Variants in OSBPL9 observed in about 807,000 individuals in gnomAD.
The protein encoded by OSBPL9 is oxysterol-binding protein-related protein 9.
OSBPL9 carries 40 observed loss-of-function variants against 106.6 expected under a neutral mutation model. The ratio of observed to expected loss-of-function variants is 0.38; its 90% CI spans 0.29 to 0.49. The LOEUF (loss-of-function observed/expected upper bound fraction) is 0.49, where lower values mean the gene tolerates loss of function less well. Ranked by LOEUF, OSBPL9 falls within the 20% of genes least tolerant of loss-of-function variation. OSBPL9 has a pLI of 0.97. For synonymous variants in OSBPL9, 269 were observed against 295.4 expected, an observed-to-expected ratio of 0.91 and a Z score of 0.92; for missense variants, 609 against 887.2, an observed-to-expected ratio of 0.69 and a Z score of 3.98.
intron 4 of OSBPL9, among the ~76,000 whole-genome samples, chr1:51,735,842 T>C (rs1229967187): frequency 6.6e-6 from 1 of 152,252 alleles, no homozygotes; most frequent in Non-Finnish European, 1.5e-5. Flanking sequence ...TTTCTTGTTT[T>C]ACTACCATTT....
chr1:51,784,545 TA>T lies in OSBPL9; in HGVS notation c.1793del (p.Tyr598LeufsTer31), dbSNP rs1167851904. On this transcript the variant is annotated frameshift_variant, in exon 20 of 24. Transcript: ENST00000428468. LOFTEE classifies it high-confidence loss of function. Reference sequence around the variant, plus strand: ...TATCATCTTCCACACTAAACCCTTCTATGGGGGCAAGAAGCACAGAATTACT... The same window carrying T: ...TATCATCTTCCACACTAAACCCTTCTTGGGGGCAAGAAGCACAGAATTACT... ...ANIIFHTKPF[Y>X]GGKKHRITAE... 6.2e-7 allele frequency: 1 copy of T among 1,614,132 alleles called. No individual in the cohort carries two copies. Among genetic ancestry groups the T allele is most frequent in the Non-Finnish European group, 8.5e-7 (1 of 1,179,952 alleles).
At chr1:51,672,590 A>G (rs1403340943) in intron 3 of OSBPL9, among the ~76,000 whole-genome samples, 2 of 152,068 alleles carry the variant, frequency 1.3e-5, no homozygotes, top group Non-Finnish European at 2.9e-5. Context: ...GAATCATACC[A>G]TATGTACTCT....
chr1:51,634,263 T>C (rs936019257), intron 1 of OSBPL9, among the ~76,000 whole-genome samples: 1 of 152,242 alleles, frequency 6.6e-6, no homozygotes, highest in African/African-American at 2.4e-5. Flanking sequence ...TGAACTTGAA[T>C]GTTAATAATG....
chr1:51,600,874 T>C (rs566860920), intron 2 of OSBPL9, among the ~76,000 whole-genome samples: 1 of 152,284 alleles, frequency 6.6e-6, no homozygotes, highest in East Asian at 1.9e-4. Flanking sequence ...TTGATAAATA[T>C]CAGATTTAGT....
intron 4 of OSBPL9, among the ~76,000 whole-genome samples, chr1:51,741,446 CCCTT>C (rs1440599999): frequency 6.7e-6 from 1 of 148,178 alleles, no homozygotes; most frequent in Non-Finnish European, 1.5e-5. Flanking sequence ...CCCTCTCTCT[CCCTT>C]CCTTCTTTCC....
chr1:51,575,194 T>TTTTG (rs144911600), upstream of OSBPL9, among the ~76,000 whole-genome samples: 2,403 of 151,928 alleles, frequency 0.016, 64 homozygotes, highest in East Asian at 0.11. Flanking sequence ...AATATCTAGG[T>TTTTG]TTTGTTTGTT....
chr1:51,636,065 G>A (rs1645413512), intron 1 of OSBPL9, among the ~76,000 whole-genome samples: 1 of 139,954 alleles, frequency 7.1e-6, no homozygotes, highest in Non-Finnish European at 1.5e-5. Context: ...CACAATTTAT[G>A]TACTGTATGT....
At chr1:51,627,139 G>T (rs1419433609) in intron 1 of OSBPL9, among the ~76,000 whole-genome samples, 1 of 152,166 alleles carries the variant, frequency 6.6e-6, no homozygotes, top group East Asian at 1.9e-4. Flanking sequence ...GAGTAGCTGG[G>T]ACTACAGGCT....
chr1:51,740,506 C>T (rs1666670787), intron 4 of OSBPL9, among the ~76,000 whole-genome samples: 1 of 151,804 alleles, frequency 6.6e-6, no homozygotes, highest in Non-Finnish European at 1.5e-5. Flanking sequence ...ATTTACAGTT[C>T]TACTACTGAT....
At chr1:51,724,878 G>A (rs1934777) in intron 4 of OSBPL9, 490 of 236,150 alleles carry the variant, frequency 2.1e-3, no homozygotes, top group Non-Finnish European at 2.5e-3. Flanking sequence ...AAAGCACTGC[G>A]TCAACCTTAA....
intron 4 of OSBPL9, among the ~76,000 whole-genome samples, chr1:51,714,887 A>G (rs1342893867): frequency 6.6e-6 from 1 of 152,218 alleles, no homozygotes; most frequent in Non-Finnish European, 1.5e-5. Context: ...CTGATAGGGT[A>G]GAAGGTGTGT....
chr1:51,527,497 C>T, the OSBPL9 span, among the ~76,000 whole-genome samples: 3 of 152,006 alleles, frequency 2.0e-5, no homozygotes, highest in Non-Finnish European at 2.9e-5. Flanking sequence ...TGGGCTCAGG[C>T]AGTTACCCAC....
intron 1 of OSBPL9, among the ~76,000 whole-genome samples, chr1:51,624,393 G>T (rs191696492): frequency 4.0e-4 from 61 of 152,000 alleles, no homozygotes; most frequent in African/African-American, 1.4e-3. Flanking sequence ...TTCAAGACAA[G>T]CCTGACCAAC....
intron 2 of OSBPL9, among the ~76,000 whole-genome samples, chr1:51,654,088 A>G (rs916517595): frequency 3.3e-5 from 5 of 152,004 alleles, no homozygotes; most frequent in African/African-American, 4.8e-5. Flanking sequence ...TACTGATTGC[A>G]CGGTGGTGCA....
the OSBPL9 span, among the ~76,000 whole-genome samples, chr1:51,571,935 A>G: frequency 6.6e-6 from 1 of 152,180 alleles, no homozygotes; most frequent in African/African-American, 2.4e-5. Context: ...GTGGGATACA[A>G]TGTGAGGGAC....
intron 3 of OSBPL9, among the ~76,000 whole-genome samples, chr1:51,675,384 T>A (rs1387892163): frequency 1.3e-5 from 2 of 151,242 alleles, no homozygotes; most frequent in African/African-American, 4.9e-5. Context: ...TTTATTTATT[T>A]ATTTTTTGTG....
the OSBPL9 span, among the ~76,000 whole-genome samples, chr1:51,528,306 A>C: frequency 6.6e-6 from 1 of 152,244 alleles, no homozygotes; most frequent in Non-Finnish European, 1.5e-5. Context: ...TATTGGAATA[A>C]ATGAGTTCAG....
At chr1:51,732,301 T>C (rs1664631958) in intron 4 of OSBPL9, among the ~76,000 whole-genome samples, 1 of 152,196 alleles carries the variant, frequency 6.6e-6, no homozygotes, top group Non-Finnish European at 1.5e-5. Context: ...CTGGGGTATG[T>C]TGAGTTCTAT....
the OSBPL9 span, among the ~76,000 whole-genome samples, chr1:51,554,792 CA>C: frequency 6.6e-6 from 1 of 152,168 alleles, no homozygotes; most frequent in African/African-American, 2.4e-5. Context: ...AGGAAATTGT[CA>C]AAGATGCTGA....
Sources: allele counts gnomAD v4.1 joint callset (sites outside exome capture counted in the v4.1 genomes callset), GRCh38; gene constraint gnomAD v4.1.1; transcripts MANE v1.5; gene names NCBI Gene and HGNC (gene_info 2026-07-23, HGNC 2026-07-21).